The following TTLL5 variants were observed in gnomAD, a reference collection of about 807,000 sequenced individuals.
The protein encoded by TTLL5 is tubulin tyrosine ligase like 5, also known as tubulin polyglutamylase TTLL5.
In TTLL5, 132 loss-of-function variants were observed where a neutral mutation model predicts 168.4. The observed-to-expected ratio is 0.78, with a 90% CI of 0.68 to 0.91. TTLL5 has a LOEUF of 0.91. Among genes scored for constraint, TTLL5 ranks in the 40% least tolerant of loss-of-function variants. The pLI, the probability that TTLL5 is intolerant of heterozygous loss-of-function variation, is 0.00. For missense variants in TTLL5, 1,545 were observed against 1,581.5 expected, an observed-to-expected ratio of 0.98 and a Z score of 0.39; for synonymous variants, 546 against 558.6, an observed-to-expected ratio of 0.98 and a Z score of 0.32.
intron 6 of TTLL5, among the ~76,000 whole-genome samples, chr14:75,695,022 A>G (rs1885740007): frequency 6.6e-6 from 1 of 152,386 alleles, no homozygotes; most frequent in South Asian, 2.1e-4. Context: ...AGTGATGTTC[A>G]TGGAACAAGG....
At chr14:75,832,232 T>C (rs779971446) in intron 28 of TTLL5, among the ~76,000 whole-genome samples, 1 of 152,172 alleles carries the variant, frequency 6.6e-6, no homozygotes, top group Non-Finnish European at 1.5e-5. Flanking sequence ...TTGCAGCTGC[T>C]ATGCTGGAGG....
intron 31 of TTLL5, among the ~76,000 whole-genome samples, chr14:75,923,070 T>C (rs1265683063): frequency 6.6e-6 from 1 of 152,212 alleles, no homozygotes; most frequent in Non-Finnish European, 1.5e-5. Flanking sequence ...TTATCATTTT[T>C]TATTGCGTCT....
intron 28 of TTLL5, among the ~76,000 whole-genome samples, chr14:75,856,538 T>C (rs577785114): frequency 6.6e-6 from 1 of 152,288 alleles, no homozygotes; most frequent in Non-Finnish European, 1.5e-5. Flanking sequence ...TAGTGTTTTA[T>C]AAATTCAGTG....
intron 31 of TTLL5, among the ~76,000 whole-genome samples, chr14:75,937,050 G>A (rs960230467): frequency 6.6e-6 from 1 of 152,056 alleles, no homozygotes; most frequent in Non-Finnish European, 1.5e-5. Context: ...CTTTAAAATT[G>A]TGGTGAAATA....
At chr14:75,773,927 T>TATATATATATATAGAGAG (rs1354936334) in intron 21 of TTLL5, among the ~76,000 whole-genome samples, 1 of 21,124 alleles carries the variant, frequency 4.7e-5, no homozygotes, top group Admixed American at 8.7e-4. Context: ...TATATATATA[T>TATATATATATATAGAGAG]AGAGAGAGAG....
chr14:75,863,570 T>A, intron 28 of TTLL5, 97 bp from the exon 29 acceptor site: 1 of 1,210,944 alleles, frequency 8.3e-7, no homozygotes, highest in Non-Finnish European at 1.1e-6. Flanking sequence ...CTGTGCTTGG[T>A]TCCATATTGG....
chr14:75,841,726 T>C (rs1456769964), intron 28 of TTLL5, among the ~76,000 whole-genome samples: 1 of 152,178 alleles, frequency 6.6e-6, no homozygotes, highest in Admixed American at 6.5e-5. Context: ...CTGAAATATC[T>C]ATGTCCATAC....
At chr14:75,834,445 G>C (rs182910901) in intron 28 of TTLL5, among the ~76,000 whole-genome samples, 1 of 152,286 alleles carries the variant, frequency 6.6e-6, no homozygotes, top group African/African-American at 2.4e-5. Flanking sequence ...AAACATTTCT[G>C]CATCTTTATA....
intron 30 of TTLL5, chr14:75,886,675 A>T: frequency 1.3e-6 from 2 of 1,595,742 alleles, no homozygotes; most frequent in South Asian, 2.2e-5. Context: ...TTCTTCTCCA[A>T]TGTTTGCAAC....
At chr14:75,838,398 GA>G (rs527691658) in intron 28 of TTLL5, 2,198 of 138,988 alleles carry the variant, frequency 0.016, 44 homozygotes, top group African/African-American at 0.045. Flanking sequence ...ACTAAAAATA[GA>G]AAAAAAAAAA....
intron 15 of TTLL5, among the ~76,000 whole-genome samples, chr14:75,739,286 C>T (rs374601510): frequency 6.6e-6 from 1 of 152,054 alleles, no homozygotes; most frequent in African/African-American, 2.4e-5. Context: ...CTTTATTCAG[C>T]CAGCTTTATA....
In TTLL5 at chr14:75,882,855, C is replaced by G. The variant is rs372220060; in HGVS notation, c.3693C>G (p.Pro1231=). ...CCTCCCTGGTTCCCAAACCCCCACC[C>G]AACCACGAACAAGTGCTCAGAAGGG... ...SCASLVPKPP[P]NHEQVLRRAT... is the part of the protein sequence containing the mutation. The change falls in exon 30 of 32, where the codon CCC becomes CCG. Residue 1231 remains proline (P), a synonymous_variant. Transcript: ENST00000298832. 1 of 1,614,028 alleles carries G rather than the reference C, an allele frequency of 6.2e-7. No individual in the cohort carries two copies. The highest frequency in any genetic ancestry group is 1.3e-5 in the African/African-American group (1 of 74,922).
chr14:75,887,409 C>T (rs1305551345), intron 30 of TTLL5: 1 of 814,758 alleles, frequency 1.2e-6, no homozygotes. Flanking sequence ...ATAGAAGATA[C>T]CATATTGTGT....
intron 31 of TTLL5, among the ~76,000 whole-genome samples, chr14:75,914,130 C>A (rs1276897769): frequency 6.9e-6 from 1 of 144,020 alleles, no homozygotes; most frequent in Non-Finnish European, 1.5e-5. Context: ...GAGATGAGTC[C>A]CGCTCTGTCA....
At chr14:75,832,767 C>T (rs974030964) in intron 28 of TTLL5, among the ~76,000 whole-genome samples, 2 of 152,164 alleles carry the variant, frequency 1.3e-5, no homozygotes, top group Non-Finnish European at 2.9e-5. Flanking sequence ...TTTAGTCTCA[C>T]GTTACTCAGT....
At chr14:75,938,850 G>A (rs1000733912) in intron 31 of TTLL5, among the ~76,000 whole-genome samples, 2 of 152,272 alleles carry the variant, frequency 1.3e-5, no homozygotes, top group Non-Finnish European at 2.9e-5. Flanking sequence ...AGTACCTCCT[G>A]GAAACAATAT....
chr14:75,796,865 C>G (rs1256988979), intron 27 of TTLL5, among the ~76,000 whole-genome samples: 3 of 152,082 alleles, frequency 2.0e-5, no homozygotes, highest in Non-Finnish European at 2.9e-5. Flanking sequence ...AATGTGATGC[C>G]TCTAGATTTG....
At chr14:75,665,622 G>A (rs562171801) in intron 2 of TTLL5, among the ~76,000 whole-genome samples, 1 of 152,220 alleles carries the variant, frequency 6.6e-6, no homozygotes, top group Non-Finnish European at 1.5e-5. Context: ...ACTTTGGGAG[G>A]CCGAGGTGGG....
At chr14:75,760,583 G>T (rs941539027) in intron 18 of TTLL5, among the ~76,000 whole-genome samples, 1 of 151,994 alleles carries the variant, frequency 6.6e-6, no homozygotes, top group Non-Finnish European at 1.5e-5. Context: ...TAATTCTACA[G>T]TATTCAAGAT....
Sources: gnomAD v4.1 joint callset for allele counts (sites outside exome capture counted in the v4.1 genomes callset) on GRCh38, gnomAD v4.1.1 for gene constraint, MANE v1.5 for transcripts, NCBI Gene and HGNC (gene_info 2026-07-23, HGNC 2026-07-21) for gene names.